Variants in ANKRD33B observed in about 807,000 individuals in gnomAD.
ANKRD33B encodes the protein ankyrin repeat domain 33B.
Under a neutral mutation model 21.5 loss-of-function variants are expected in ANKRD33B, and 6 were observed. The ratio of observed to expected loss-of-function variants is 0.28; its 90% CI spans 0.15 to 0.55. The LOEUF (loss-of-function observed/expected upper bound fraction) is 0.55, where lower values mean the gene tolerates loss of function less well. Ranked by LOEUF, ANKRD33B falls within the 20% of genes least tolerant of loss-of-function variation. The probability of loss-of-function intolerance (pLI) is 0.94; values close to 1 mark genes in which losing one functional copy is unlikely to be tolerated. For missense variants in ANKRD33B, 698 were observed against 747.2 expected, an observed-to-expected ratio of 0.93 and a Z score of 0.77; for synonymous variants, 347 against 342.4, an observed-to-expected ratio of 1.01 and a Z score of -0.15.
At chr5:10,587,597 G>A (rs1735594025) in intron 1 of ANKRD33B, among the ~76,000 whole-genome samples, 1 of 146,532 alleles carries the variant, frequency 6.8e-6, no homozygotes. Context: ...GAAGTACAAA[G>A]AAAAAAACAA....
At position 10,650,170 on chromosome 5, in the gene ANKRD33B, T is replaced by C; in HGVS notation, c.*57T>C. On this transcript the variant is annotated 3_prime_UTR_variant, in exon 4 of 4. Transcript: ENST00000296657. ...TGGGGCCGGGGCGGGGCCGCAGGGCTGGGCGCGGAGAAGGAGGCGGCCCCG... is the reference window on the plus strand; with the variant it reads ...TGGGGCCGGGGCGGGGCCGCAGGGCCGGGCGCGGAGAAGGAGGCGGCCCCG... 2 of 1,398,598 alleles carry C rather than the reference T, an allele frequency of 1.4e-6. No individual in the cohort carries two copies. The highest frequency in any genetic ancestry group is 9.2e-7 in the Non-Finnish European group (1 of 1,081,236). 86.6% of individuals were successfully genotyped at this position (1,398,598 alleles called of 1,614,324 possible). A position where few individuals can be genotyped will look rare whatever the true frequency, so the allele number is the denominator to read the frequency against.
intron 1 of ANKRD33B, among the ~76,000 whole-genome samples, chr5:10,600,173 C>A (rs1735900199): frequency 6.6e-6 from 1 of 152,236 alleles, no homozygotes; most frequent in Non-Finnish European, 1.5e-5. Context: ...GCTTTTTCTG[C>A]TATCATTACT....
At chr5:10,604,532 A>G (rs916720974) in intron 1 of ANKRD33B, among the ~76,000 whole-genome samples, 2 of 151,506 alleles carry the variant, frequency 1.3e-5, no homozygotes, top group African/African-American at 4.8e-5. Context: ...AAAGAAAAAA[A>G]AAAGAAAAAT....
intron 2 of ANKRD33B, among the ~76,000 whole-genome samples, chr5:10,620,999 C>G (rs1736407884): frequency 6.6e-6 from 1 of 152,080 alleles, no homozygotes. Flanking sequence ...TCCTTTAGCC[C>G]CACCCTTTTT....
chr5:10,585,541 G>A (rs181032895), intron 1 of ANKRD33B, among the ~76,000 whole-genome samples: 3 of 152,186 alleles, frequency 2.0e-5, no homozygotes, highest in Non-Finnish European at 2.9e-5. Flanking sequence ...GAAAAGAAAC[G>A]CACTGAGAAA....
intron 1 of ANKRD33B, 83 bp downstream of exon 1, chr5:10,564,916 T>G (rs1735014175): frequency 3.5e-6 from 5 of 1,421,378 alleles, no homozygotes; most frequent in Non-Finnish European, 4.6e-6. Flanking sequence ...GCCTCCCAGC[T>G]CCTGGCTCCG....
chr5:10,607,540 C>T lies in ANKRD33B; in HGVS notation c.367-10793C>T, dbSNP rs185974356. Among the ~76,000 whole-genome samples the T allele has an allele frequency of 2.4e-3, 360 of 152,354 alleles. 2 individuals are homozygous for T. The highest frequency in any genetic ancestry group is 3.0e-3 in the Non-Finnish European group (207 of 68,032). ...CCAAGAGGCAGGAAGAAATAGATAA[C>T]GGAATAACGCCAGTGAGTACTGCAG... On this transcript the variant is annotated intron_variant, in intron 1 of 3. Transcript: ENST00000296657.
intron 1 of ANKRD33B, among the ~76,000 whole-genome samples, chr5:10,584,595 A>G (rs1735513719): frequency 6.6e-6 from 1 of 152,164 alleles, no homozygotes; most frequent in Non-Finnish European, 1.5e-5. Context: ...TGCATTAAAT[A>G]AGCCTCTTGA....
At chr5:10,565,511 TCAGGGCATAGGGAGAGCCCCAGAGC>T (rs1358522063) in intron 1 of ANKRD33B, among the ~76,000 whole-genome samples, 2 of 152,012 alleles carry the variant, frequency 1.3e-5, no homozygotes, top group Non-Finnish European at 2.9e-5. Context: ...CTCCCCAGAG[TCAGGGCATAGGGAGAGCCCCAGAGC>T]CGCGGGCATC....
chr5:10,637,565 A>G (rs1186687470), intron 2 of ANKRD33B, among the ~76,000 whole-genome samples: 1 of 151,940 alleles, frequency 6.6e-6, no homozygotes. Context: ...TCCTATTGCT[A>G]TGATGATGAC....
At chr5:10,569,873 T>C (rs1447671735) in intron 1 of ANKRD33B, among the ~76,000 whole-genome samples, 1 of 151,932 alleles carries the variant, frequency 6.6e-6, no homozygotes, top group Non-Finnish European at 1.5e-5. Context: ...TTTTTGTTTG[T>C]TTGTTTTTGT....
At chr5:10,582,936 G>A (rs1735474765) in intron 1 of ANKRD33B, among the ~76,000 whole-genome samples, 1 of 151,674 alleles carries the variant, frequency 6.6e-6, no homozygotes. Context: ...TTCAGTTTCT[G>A]CCCTGTGCAG....
chr5:10,600,911 G>A (rs911703570), intron 1 of ANKRD33B, among the ~76,000 whole-genome samples: 1 of 151,730 alleles, frequency 6.6e-6, no homozygotes, highest in Non-Finnish European at 1.5e-5. Flanking sequence ...TAACGATATC[G>A]AGCCCTTTCA....
At chr5:10,640,997 C>T (rs999499854) in intron 3 of ANKRD33B, among the ~76,000 whole-genome samples, 1 of 152,188 alleles carries the variant, frequency 6.6e-6, no homozygotes, top group Non-Finnish European at 1.5e-5. Flanking sequence ...AAGGCCTCAC[C>T]TCTTAATACT....
chr5:10,599,841 A>G (rs1735895247), intron 1 of ANKRD33B, among the ~76,000 whole-genome samples: 1 of 152,228 alleles, frequency 6.6e-6, no homozygotes, highest in East Asian at 1.9e-4. Context: ...TCATTTGGGC[A>G]TATACCTAGG....
intron 1 of ANKRD33B, among the ~76,000 whole-genome samples, chr5:10,612,397 A>G (rs1383600250): frequency 6.6e-6 from 1 of 152,230 alleles, no homozygotes; most frequent in East Asian, 1.9e-4. Context: ...TAAGGGCACC[A>G]ATCCTATTTA....
chr5:10,611,861 G>A (rs1377403152), intron 1 of ANKRD33B, among the ~76,000 whole-genome samples: 1 of 152,186 alleles, frequency 6.6e-6, no homozygotes, highest in Non-Finnish European at 1.5e-5. Flanking sequence ...GATTGGGAAG[G>A]GTTTGCCTTG....
At chr5:10,578,054 G>C (rs1260749946) in intron 1 of ANKRD33B, among the ~76,000 whole-genome samples, 1 of 152,200 alleles carries the variant, frequency 6.6e-6, no homozygotes, top group Non-Finnish European at 1.5e-5. Flanking sequence ...TCACCTATAT[G>C]TCCTCTGTTG....
At chr5:10,647,465 G>A (rs1327668548) in intron 3 of ANKRD33B, among the ~76,000 whole-genome samples, 1 of 152,130 alleles carries the variant, frequency 6.6e-6, no homozygotes, top group Non-Finnish European at 1.5e-5. Flanking sequence ...TAATTGAACA[G>A]CAATTCCGTA....
Sources: allele counts gnomAD v4.1 joint callset (sites outside exome capture counted in the v4.1 genomes callset), GRCh38; gene constraint gnomAD v4.1.1; transcripts MANE v1.5; gene names NCBI Gene and HGNC (gene_info 2026-07-23, HGNC 2026-07-21).